RPE: variants seen among roughly 807,000 people sequenced by gnomAD.
RPE encodes ribulose-phosphate 3-epimerase.
A neutral mutation model predicts 24.6 loss-of-function variants in RPE; 16 were observed. The observed-to-expected ratio is 0.65, with a 90% CI of 0.44 to 0.99. The LOEUF (loss-of-function observed/expected upper bound fraction) is 0.99, where lower values mean the gene tolerates loss of function less well. RPE is among the 50% of genes least tolerant of loss of function. RPE has a pLI of 0.00. For missense variants in RPE, 240 were observed against 294.5 expected (o/e 0.81, Z 1.35); for synonymous variants, 93 against 98.4 (o/e 0.94, Z 0.33).
intron 1 of RPE, 48 bp downstream of exon 1, chr2:210,002,831 C>A: frequency 6.2e-7 from 1 of 1,613,934 alleles, no homozygotes; most frequent in Non-Finnish European, 8.5e-7. Context: ...CGGGGCGGAT[C>A]AGTGCACCTT....
Position 210,017,575 on chromosome 2 carries a change from A to T in RPE, c.564+16A>T. On this transcript the variant is annotated intron_variant, in intron 5 of 5. Transcript: ENST00000359429. ...ATGTGCAGAGGTGAGATTGCTCTTC[A>T]ACTATGACTAGACCAATTTCCCGTC... The T allele has an allele frequency of 6.2e-7, 1 of 1,611,344 alleles. No individual in the cohort carries two copies. The highest frequency in any genetic ancestry group is 1.7e-4 in the Middle Eastern group (1 of 6,054).
intron 1 of RPE, among the ~76,000 whole-genome samples, chr2:210,005,655 C>G (rs1423175563): frequency 6.6e-6 from 1 of 152,034 alleles, no homozygotes; most frequent in Admixed American, 6.6e-5. Flanking sequence ...AGTTCAAAGA[C>G]TTGCTAGCAC....
intron 2 of RPE, among the ~76,000 whole-genome samples, chr2:210,013,408 C>T (rs1339611310): frequency 1.3e-5 from 2 of 150,332 alleles, no homozygotes; most frequent in East Asian, 3.9e-4. Flanking sequence ...TCTTGATGGG[C>T]TCCAGCAGTC....
chr2:210,016,211 C>G (rs745428045), intron 3 of RPE, 99 bp downstream of exon 3: 4 of 1,614,058 alleles, frequency 2.5e-6, no homozygotes, highest in South Asian at 1.1e-5. Context: ...CAGTCTTGCT[C>G]TGTCACCCAG....
rs1382015382 is a variant in RPE, at chr2:210,002,766, C to A, written c.105C>A (p.His35Gln). Residue 35 changes from histidine to glutamine, a missense_variant, in exon 1 of 6, where the codon CAC becomes CAA. His to Gln is a conservative substitution (Grantham distance 24, BLOSUM62 0). Coordinates refer to ENST00000359429, the MANE Select transcript of RPE (RefSeq NM_199229.3). ...RMLDSGADYL[H>Q]LDVMDGHFVP... The stretch of plus-strand genomic sequence containing the variant: ...TAGACTCTGGGGCCGATTATCTGCA[C>A]CTGGACGTAATGGACGGGTAACTCC... 5 of 1,614,186 alleles carry A rather than the reference C, an allele frequency of 3.1e-6. No individual in the cohort carries two copies. The highest frequency in any genetic ancestry group is 4.2e-6 in the Non-Finnish European group (5 of 1,180,030).
intron 3 of RPE, 78 bp downstream of exon 3, chr2:210,016,190 T>C (rs758255933): frequency 6.2e-7 from 1 of 1,612,424 alleles, no homozygotes; most frequent in Non-Finnish European, 8.5e-7. Flanking sequence ...AAATTTTCTC[T>C]TTTTTTGATA....
In RPE at chr2:210,016,723, A is replaced by T. The variant is rs2093777337; in HGVS notation, c.477+82A>T. 2.5e-6 allele frequency: 4 copies of T among 1,586,790 alleles called. No individual in the cohort carries two copies. In the African/African-American group the frequency reaches 5.4e-5, roughly 21 times the overall value. On this transcript the variant is annotated intron_variant, in intron 4 of 5. Coordinates refer to ENST00000359429, the MANE Select transcript of RPE (RefSeq NM_199229.3). ...CATTTATTGAAAGGCTTGTATATTTAGGCATAACCTGTTCTGAAGGTGAGG... is the reference window on the plus strand; with the variant it reads ...CATTTATTGAAAGGCTTGTATATTTTGGCATAACCTGTTCTGAAGGTGAGG...
At chr2:210,006,587 C>G (rs751332016) in intron 1 of RPE, among the ~76,000 whole-genome samples, 1 of 152,036 alleles carries the variant, frequency 6.6e-6, no homozygotes, top group East Asian at 1.9e-4. Flanking sequence ...TTTATTTACT[C>G]GGGAGGTGGT....
chr2:210,016,679 AG>A lies in RPE; in HGVS notation c.477+39del, dbSNP rs779309276. 104 of 1,613,522 alleles carry A rather than the reference AG, an allele frequency of 6.4e-5. No individual in the cohort carries two copies. In the South Asian group the frequency reaches 1.0e-3, roughly 16 times the overall value. ...TTTGATTTTGGGGTGAGGCTTTTACAGTGTGTTCATTCAGTAAGCATTTATT... is the reference window on the plus strand; with the variant it reads ...TTTGATTTTGGGGTGAGGCTTTTACATGTGTTCATTCAGTAAGCATTTATT... On this transcript the variant is annotated intron_variant, in intron 4 of 5. Transcript: ENST00000359429.
chr2:210,020,713 A>G lies in RPE; in HGVS notation c.*922A>G, dbSNP rs1185434533. 1 of 165,670 alleles carries G rather than the reference A, an allele frequency of 6.0e-6. No individual in the cohort carries two copies. The highest frequency in any genetic ancestry group is 1.9e-4 in the East Asian group (1 of 5,208). The allele number at this position is 165,670 out of a possible 1,614,324, so 10.3% of individuals were successfully genotyped here. ...AAAGTAAACAGCATTATATAAGTTT[A>G]TATTTTTGTGAGTTATAAAGTACTT... On this transcript the variant is annotated 3_prime_UTR_variant, in exon 6 of 6. Coordinates refer to ENST00000359429, the MANE Select transcript of RPE (RefSeq NM_199229.3).
At position 210,018,652 on chromosome 2, in the gene RPE, G is replaced by C. The variant is rs1431192565; in HGVS notation, c.565-1017G>C. On this transcript the variant is annotated intron_variant, in intron 5 of 5. Transcript: ENST00000359429. ...TGAGCTCATATCCTTTTGATCGCTT[G>C]TGGAATTGCTTTGTACTAAACTGTG... 33 of 985,198 alleles carry C rather than the reference G, an allele frequency of 3.3e-5. No homozygotes were observed. The Admixed American group carries it at 1.8e-3, about 55-fold the overall frequency. 61.0% of individuals were successfully genotyped at this position (985,198 alleles called of 1,614,324 possible).
chr2:210,010,441 T>A (rs980047426), intron 2 of RPE, among the ~76,000 whole-genome samples: 6 of 152,168 alleles, frequency 3.9e-5, no homozygotes, highest in African/African-American at 1.4e-4. Context: ...TTCTTTTTTT[T>A]AAAATAGAGA....
At chr2:210,009,294 T>C (rs563988428) in intron 1 of RPE, among the ~76,000 whole-genome samples, 1 of 152,336 alleles carries the variant, frequency 6.6e-6, no homozygotes, top group East Asian at 1.9e-4. Flanking sequence ...TGAGATAGAC[T>C]AGGATTCAGG....
chr2:210,006,452 G>A (rs770144784), intron 1 of RPE, among the ~76,000 whole-genome samples: 3 of 151,964 alleles, frequency 2.0e-5, no homozygotes, highest in Non-Finnish European at 2.9e-5. Flanking sequence ...AATATACTTC[G>A]TGAACCTAGT....
intron 1 of RPE, among the ~76,000 whole-genome samples, chr2:210,004,346 T>G (rs76906598): frequency 0.011 from 1,642 of 152,322 alleles, 26 homozygotes; most frequent in African/African-American, 0.035. Flanking sequence ...CTGGAGTTTT[T>G]TTGTGAATTA....
At chr2:210,018,068 C>T in intron 5 of RPE, 1 of 1,364,622 alleles carries the variant, frequency 7.3e-7, no homozygotes, top group Non-Finnish European at 9.9e-7. Context: ...TCTAAAATCA[C>T]ATAAATTGTT....
intron 1 of RPE, among the ~76,000 whole-genome samples, chr2:210,004,493 A>C (rs1296159439): frequency 1.3e-5 from 2 of 152,224 alleles, no homozygotes; most frequent in African/African-American, 2.4e-5. Flanking sequence ...GAAGCAATGC[A>C]ACAGCTTGTG....
chr2:210,009,921 A>C (rs956138096), intron 2 of RPE, among the ~76,000 whole-genome samples, 185 bp downstream of exon 2: 8 of 152,196 alleles, frequency 5.3e-5, no homozygotes, highest in African/African-American at 1.9e-4. Context: ...GCTAATCTGC[A>C]TGGAAAGGTA....
intron 4 of RPE, 34 bp from the exon 5 acceptor site, chr2:210,017,439 T>C (rs766288582): frequency 1.0e-5 from 10 of 981,916 alleles, no homozygotes; most frequent in South Asian, 6.6e-5. Context: ...ATACCCACTT[T>C]AGGAGTTACT....
Sources: allele counts gnomAD v4.1 joint callset (sites outside exome capture counted in the v4.1 genomes callset), GRCh38; gene constraint gnomAD v4.1.1; transcripts MANE v1.5; gene names NCBI Gene and HGNC (gene_info 2026-07-23, HGNC 2026-07-21).